DOK6: variants seen among roughly 807,000 people sequenced by gnomAD.
The protein encoded by DOK6 is docking protein 6.
Under a neutral mutation model 44.0 loss-of-function variants are expected in DOK6, and 22 were observed. The observed-to-expected ratio is 0.50, with a 90% CI of 0.36 to 0.71. The LOEUF (loss-of-function observed/expected upper bound fraction) is 0.71. Ranked by LOEUF, DOK6 falls within the 30% of genes least tolerant of loss-of-function variation. The pLI, the probability that DOK6 is intolerant of heterozygous loss-of-function variation, is 0.00. For missense variants in DOK6, 340 were observed against 416.4 expected, an observed-to-expected ratio of 0.82 and a Z score of 1.60; for synonymous variants, 166 against 145.5, an observed-to-expected ratio of 1.14 and a Z score of -1.01.
intron 1 of DOK6, among the ~76,000 whole-genome samples, chr18:69,425,301 T>G (rs1978606405): frequency 6.6e-6 from 1 of 152,006 alleles, no homozygotes; most frequent in Non-Finnish European, 1.5e-5. Context: ...CTATCACAGC[T>G]TGTCACAGTG....
chr18:69,744,960 C>G (rs1978938079), intron 6 of DOK6, among the ~76,000 whole-genome samples: 1 of 142,902 alleles, frequency 7.0e-6, no homozygotes, highest in African/African-American at 2.5e-5. Context: ...CCCACACATA[C>G]ACATGCCCAA....
chr18:69,460,722 C>T (rs1049187928), intron 1 of DOK6, among the ~76,000 whole-genome samples: 3 of 152,136 alleles, frequency 2.0e-5, no homozygotes, highest in Non-Finnish European at 4.4e-5. Context: ...ACTGAATATA[C>T]TACTTTTCTA....
chr18:69,723,152 A>G (rs375531054), intron 5 of DOK6, among the ~76,000 whole-genome samples: 1 of 152,208 alleles, frequency 6.6e-6, no homozygotes, highest in East Asian at 1.9e-4. Context: ...TGCTAACTAC[A>G]TCATCTGCAT....
chr18:69,616,848 A>G (rs1984296647), intron 3 of DOK6, among the ~76,000 whole-genome samples: 1 of 152,236 alleles, frequency 6.6e-6, no homozygotes, highest in African/African-American at 2.4e-5. Context: ...CTTTGTAGCA[A>G]AAAAAATGGT....
At chr18:69,516,789 C>A (rs1304751188) in intron 1 of DOK6, among the ~76,000 whole-genome samples, 1 of 151,940 alleles carries the variant, frequency 6.6e-6, no homozygotes, top group Non-Finnish European at 1.5e-5. Flanking sequence ...GATTCCCCTG[C>A]CTCAGCCTCC....
intron 6 of DOK6, among the ~76,000 whole-genome samples, chr18:69,740,624 C>G (rs1368218628): frequency 6.6e-6 from 1 of 152,124 alleles, no homozygotes; most frequent in Non-Finnish European, 1.5e-5. Flanking sequence ...GGCTTGCATC[C>G]CAACACCACC....
intron 1 of DOK6, among the ~76,000 whole-genome samples, chr18:69,429,207 G>A (rs971723220): frequency 1.3e-5 from 2 of 152,038 alleles, no homozygotes; most frequent in Non-Finnish European, 2.9e-5. Context: ...CTGTGACTCT[G>A]ATGATTTCCT....
chr18:69,420,103 T>A (rs767338490), intron 1 of DOK6, among the ~76,000 whole-genome samples: 3 of 152,122 alleles, frequency 2.0e-5, no homozygotes, highest in African/African-American at 7.2e-5. Flanking sequence ...CATACTAAAA[T>A]TTAGCTTTTT....
chr18:69,565,521 GTATA>G (rs67342514), intron 2 of DOK6, among the ~76,000 whole-genome samples: 121 of 3,158 alleles, frequency 0.038, 2 homozygotes, highest in Admixed American at 0.076. Context: ...GTGTGTGTGT[GTATA>G]TATATATACA....
At chr18:69,735,343 C>T (rs1978568129) in intron 5 of DOK6, among the ~76,000 whole-genome samples, 1 of 152,222 alleles carries the variant, frequency 6.6e-6, no homozygotes, top group Non-Finnish European at 1.5e-5. Context: ...CCCAAGGCCA[C>T]CCTCCAGCTC....
intron 1 of DOK6, among the ~76,000 whole-genome samples, chr18:69,418,674 G>A (rs1978404137): frequency 6.6e-6 from 1 of 151,674 alleles, no homozygotes; most frequent in Non-Finnish European, 1.5e-5. Flanking sequence ...GTCTTGCTGT[G>A]TTGCCAATGT....
At chr18:69,493,966 A>G (rs79517828) in intron 1 of DOK6, among the ~76,000 whole-genome samples, 1,834 of 152,324 alleles carry the variant, frequency 0.012, 35 homozygotes, top group African/African-American at 0.042. Context: ...AATTTTATTC[A>G]CACAGGCCAC....
chr18:69,540,066 A>T (rs899482313), intron 1 of DOK6, among the ~76,000 whole-genome samples: 4 of 151,972 alleles, frequency 2.6e-5, no homozygotes, highest in African/African-American at 9.7e-5. Flanking sequence ...TTATAAAACC[A>T]TCATGTCTCC....
At chr18:69,543,290 G>A (rs1982316844) in intron 1 of DOK6, among the ~76,000 whole-genome samples, 1 of 151,576 alleles carries the variant, frequency 6.6e-6, no homozygotes, top group Admixed American at 6.6e-5. Context: ...TTTCCAGTTT[G>A]AGAACAAGGA....
At chr18:69,718,050 AAGTTGC>A (rs1347394823) in intron 5 of DOK6, among the ~76,000 whole-genome samples, 2 of 152,244 alleles carry the variant, frequency 1.3e-5, no homozygotes, top group African/African-American at 4.8e-5. Context: ...ATAAGTTAGA[AAGTTGC>A]CTTGTTTAAT....
intron 3 of DOK6, chr18:69,662,469 T>C (rs1224684284): frequency 6.6e-6 from 1 of 152,242 alleles, no homozygotes; most frequent in East Asian, 1.9e-4. Context: ...ATGTTTTTCT[T>C]TTACTCTAAC....
At chr18:69,664,107 G>C (rs556308508) in intron 3 of DOK6, among the ~76,000 whole-genome samples, 1 of 152,142 alleles carries the variant, frequency 6.6e-6, no homozygotes, top group Non-Finnish European at 1.5e-5. Flanking sequence ...ATGTACTAAT[G>C]CATTAAATGT....
intron 1 of DOK6, among the ~76,000 whole-genome samples, chr18:69,428,218 A>C (rs925915401): frequency 1.5e-4 from 23 of 152,202 alleles, no homozygotes; most frequent in African/African-American, 5.3e-4. Context: ...TAGATTATAA[A>C]ATATAGAGCA....
intron 1 of DOK6, among the ~76,000 whole-genome samples, chr18:69,418,400 A>G (rs1160486414): frequency 6.6e-6 from 1 of 152,160 alleles, no homozygotes; most frequent in Non-Finnish European, 1.5e-5. Flanking sequence ...AGCCTGATGA[A>G]TAACAGCTTT....
Sources: gnomAD v4.1 joint callset for allele counts (sites outside exome capture counted in the v4.1 genomes callset) on GRCh38, gnomAD v4.1.1 for gene constraint, MANE v1.5 for transcripts, NCBI Gene and HGNC (gene_info 2026-07-23, HGNC 2026-07-21) for gene names.